HERC2: variants seen among roughly 807,000 people sequenced by gnomAD.
The protein encoded by HERC2 is HECT and RLD domain containing E3 ubiquitin protein ligase 2.
A neutral mutation model predicts 537.7 loss-of-function variants in HERC2; 102 were observed. The observed-to-expected ratio is 0.19, with a 90% CI of 0.16 to 0.22. HERC2 has a LOEUF of 0.22. HERC2 is among the 10% of genes least tolerant of loss of function. HERC2 has a pLI of 1.00. For missense variants in HERC2, 4,236 were observed against 6,198.2 expected (o/e 0.68, Z 10.63); for synonymous variants, 2,224 against 2,466.2 (o/e 0.90, Z 2.91).
intron 10 of HERC2, 124 bp from the exon 11 acceptor site, chr15:28,269,560 C>T (rs1455330382): frequency 2.7e-6 from 2 of 740,832 alleles, no homozygotes; most frequent in East Asian, 2.7e-5. Context: ...TGATTCAAAA[C>T]ATCAAAATAG....
chr15:28,293,365 C>T (rs1356764955), intron 3 of HERC2, among the ~76,000 whole-genome samples: 1 of 151,744 alleles, frequency 6.6e-6, no homozygotes, highest in Non-Finnish European at 1.5e-5. Flanking sequence ...TGGTGGCGGG[C>T]GCCTGTAGTC....
At chr15:28,309,966 T>C (rs1269436117) in intron 2 of HERC2, among the ~76,000 whole-genome samples, 2 of 152,170 alleles carry the variant, frequency 1.3e-5, no homozygotes, top group Non-Finnish European at 2.9e-5. Flanking sequence ...ATACGACTTT[T>C]GGTAAAAATT....
In HERC2 at chr15:28,265,573, G is replaced by T; in HGVS notation, c.1870+45C>A. ...TCACTTCCTCCAGGGAAGCTGCCAT[G>T]CGTGTCCTCGTGGGCCTGTCCAGGG... On this transcript the variant is annotated intron_variant, in intron 14 of 92. Transcript: ENST00000261609. The surrounding 1 kb of genome is among the most constrained non-coding windows in gnomAD (Gnocchi z 4.0). 6.6e-7 allele frequency: 1 copy of T among 1,504,892 alleles called. No individual in the cohort carries two copies. Among genetic ancestry groups the T allele is most frequent in the Non-Finnish European group, 9.2e-7 (1 of 1,082,688 alleles). The allele number at this position is 1,504,892 out of a possible 1,614,324, so 93.2% of individuals were successfully genotyped here. A position where few individuals can be genotyped will look rare whatever the true frequency, so the allele number is the denominator to read the frequency against.
At chr15:28,153,570 A>G (rs1197091429) in intron 69 of HERC2, among the ~76,000 whole-genome samples, 1 of 151,988 alleles carries the variant, frequency 6.6e-6, no homozygotes, top group Non-Finnish European at 1.5e-5. Context: ...AGAATCGCTT[A>G]AACTCAGGAG....
At chr15:28,220,288 C>T (rs1172245517) in intron 37 of HERC2, among the ~76,000 whole-genome samples, 164 bp downstream of exon 37, 4 of 152,330 alleles carry the variant, frequency 2.6e-5, no homozygotes, top group Admixed American at 1.3e-4. Context: ...ACACCTGCAT[C>T]GGAGGTGCCT....
At chr15:28,245,421 C>T (rs572931547) in intron 23 of HERC2, among the ~76,000 whole-genome samples, 2 of 151,834 alleles carry the variant, frequency 1.3e-5, no homozygotes, top group African/African-American at 4.8e-5. Flanking sequence ...GTGGTGTGCA[C>T]CTGTGGTGCC....
At chr15:28,280,378 G>A in intron 4 of HERC2, 91 bp from the exon 5 acceptor site, 2 of 1,018,476 alleles carry the variant, frequency 2.0e-6, no homozygotes, top group Non-Finnish European at 2.9e-6. Flanking sequence ...ACGACAGGTA[G>A]TACTCGAAGG....
intron 2 of HERC2, among the ~76,000 whole-genome samples, chr15:28,310,656 C>A (rs1373532621): frequency 6.6e-6 from 1 of 152,042 alleles, no homozygotes; most frequent in Non-Finnish European, 1.5e-5. Context: ...TAACAGCGGT[C>A]AGAACTCACA....
intron 2 of HERC2, among the ~76,000 whole-genome samples, chr15:28,315,445 A>T (rs2077056394): frequency 6.6e-6 from 1 of 152,262 alleles, no homozygotes; most frequent in Non-Finnish European, 1.5e-5. Context: ...ATGGGGTCGG[A>T]CAAGGTTTAT....
chr15:28,249,552 G>A (rs537095386), intron 20 of HERC2, among the ~76,000 whole-genome samples: 42 of 152,322 alleles, frequency 2.8e-4, no homozygotes, highest in African/African-American at 9.4e-4. Flanking sequence ...GGGAGAGACA[G>A]TGCAGGTAAT....
At chr15:28,291,777 C>G (rs183643899) in intron 4 of HERC2, among the ~76,000 whole-genome samples, 1 of 151,886 alleles carries the variant, frequency 6.6e-6, no homozygotes, top group African/African-American at 2.4e-5. Context: ...TGGTGGTGCA[C>G]GCCTGTAGTC....
chr15:28,113,339 A>G lies in HERC2; in HGVS notation c.14020-56T>C, dbSNP rs1330959752. 5.8e-6 allele frequency: 9 copies of G among 1,555,208 alleles called. No homozygotes were observed. In the East Asian group the frequency reaches 2.0e-4, roughly 35 times the overall value. On this transcript the variant is annotated intron_variant, in intron 91 of 92. Transcript: ENST00000261609. The surrounding 1 kb of genome is among the most constrained non-coding windows in gnomAD (Gnocchi z 7.0). ...ATGCTTCCCACCCTGGCATTTCCGCAAGACTCCGTCACGCTCCCTCTCTAC... is the reference window on the plus strand; with the variant it reads ...ATGCTTCCCACCCTGGCATTTCCGCGAGACTCCGTCACGCTCCCTCTCTAC...
intron 70 of HERC2, among the ~76,000 whole-genome samples, chr15:28,147,137 C>A (rs1310158780): frequency 1.7e-4 from 25 of 149,952 alleles, no homozygotes; most frequent in African/African-American, 6.2e-4. Flanking sequence ...CCCAGAATGT[C>A]TAGAGTGAGG....
chr15:28,231,267 A>C (rs1901810638), intron 30 of HERC2, among the ~76,000 whole-genome samples: 1 of 152,194 alleles, frequency 6.6e-6, no homozygotes, highest in South Asian at 2.1e-4. Context: ...TTCCCAAGGA[A>C]GGTCTGTCCC....
chr15:28,117,873 G>A (rs372618851), intron 86 of HERC2: 10 of 307,952 alleles, frequency 3.2e-5, no homozygotes, highest in South Asian at 2.6e-4. Flanking sequence ...GCACATCGGA[G>A]GGCAGGTGGC....
intron 20 of HERC2, among the ~76,000 whole-genome samples, chr15:28,250,355 C>T (rs574483887): frequency 6.6e-6 from 1 of 152,284 alleles, no homozygotes; most frequent in South Asian, 2.1e-4. Context: ...ACCTGATACC[C>T]TGCCTGGATA....
intron 66 of HERC2, 139 bp downstream of exon 66, chr15:28,169,345 C>G (rs566338833): frequency 1.7e-6 from 1 of 581,390 alleles, no homozygotes; most frequent in South Asian, 2.9e-5. Flanking sequence ...CATCAAAGAA[C>G]TTGTGACTTA....
At chr15:28,253,364 G>A (rs193064633) in intron 20 of HERC2, among the ~76,000 whole-genome samples, 170 of 152,290 alleles carry the variant, frequency 1.1e-3, no homozygotes, top group Middle Eastern at 3.4e-3. Flanking sequence ...TGTAAAGTGA[G>A]GCAATGATAG....
chr15:28,236,821 C>A lies in HERC2; in HGVS notation c.4003+142G>T. On this transcript the variant is annotated intron_variant, in intron 26 of 92. Coordinates refer to ENST00000261609, the MANE Select transcript of HERC2 (RefSeq NM_004667.6). ...CAGGCTGGTCTCAAACTCTTGACCT[C>A]AAGCAATCCACGTGCCACAACCTCC... 6.5e-6 allele frequency: 4 copies of A among 611,516 alleles called. No individual in the cohort carries two copies. The South Asian group carries it at 7.5e-5, about 12-fold the overall frequency. 37.9% of individuals were successfully genotyped at this position (611,516 alleles called of 1,614,324 possible).
Sources: gnomAD v4.1 joint callset for allele counts (sites outside exome capture counted in the v4.1 genomes callset) on GRCh38, gnomAD v4.1.1 for gene constraint, Gnocchi (gnomAD v3.1) non-coding constraint, MANE v1.5 for transcripts, NCBI Gene and HGNC (gene_info 2026-07-23, HGNC 2026-07-21) for gene names.